CHRNB1: variants seen among roughly 807,000 people sequenced by gnomAD.
The protein encoded by CHRNB1 is acetylcholine receptor subunit beta.
Under a neutral mutation model 53.8 loss-of-function variants are expected in CHRNB1, and 47 were observed. The ratio of observed to expected loss-of-function variants is 0.87; its 90% CI spans 0.69 to 1.11. The LOEUF (loss-of-function observed/expected upper bound fraction) is 1.11. CHRNB1 is among the 50% of genes most tolerant of loss of function. CHRNB1 has a pLI of 0.00. For missense variants in CHRNB1, 605 were observed against 654.9 expected (o/e 0.92, Z 0.83); for synonymous variants, 259 against 263.5 (o/e 0.98, Z 0.16).
Position 7,455,456 on chromosome 17 carries a change from G to T in CHRNB1, c.1217G>T (p.Arg406Met). The T allele has an allele frequency of 6.2e-7, 1 of 1,614,028 alleles. No homozygotes were observed. The highest frequency in any genetic ancestry group is 8.5e-7 in the Non-Finnish European group (1 of 1,179,968). Residue 406 changes from arginine to methionine, a missense_variant and splice_region_variant, in exon 9 of 11, where the codon AGG becomes ATG. Coordinates refer to ENST00000306071, the MANE Select transcript of CHRNB1 (RefSeq NM_000747.3). ...PSDFLFPKPN[R>M]FQPELSAPDL... ...GATTTTCTCTTCCCCAAACCCAATAGGTAGGACTACGCCCGTTACCCACAT... is the reference window on the plus strand; with the variant it reads ...GATTTTCTCTTCCCCAAACCCAATATGTAGGACTACGCCCGTTACCCACAT...
intron 7 of CHRNB1, among the ~76,000 whole-genome samples, chr17:7,450,552 C>G (rs2150840438): frequency 6.6e-6 from 1 of 152,312 alleles, no homozygotes. Context: ...AGAACTATGC[C>G]TGGCACCCAG....
intron 7 of CHRNB1, among the ~76,000 whole-genome samples, chr17:7,449,319 G>T (rs2150839726): frequency 6.6e-6 from 1 of 151,302 alleles, no homozygotes; most frequent in South Asian, 2.1e-4. Context: ...TAGCCAGAAT[G>T]GTCTCGATCT....
At position 7,446,327 on chromosome 17, in the gene CHRNB1, C is replaced by CTGTGTG. The variant is rs58239884; in HGVS notation, c.243+255_243+260dup. ...TTTGTGTGTGTGTGTGTGTGTGTGT[C>CTGTGTG]TGTGTGTGTGTGTGTGTGTGTGTGT... is the stretch of plus-strand genomic sequence containing the variant. On this transcript the variant is annotated intron_variant, in intron 3 of 10. Coordinates refer to ENST00000306071, the MANE Select transcript of CHRNB1 (RefSeq NM_000747.3). The CTGTGTG allele has an allele frequency of 8.7e-3, 2,037 of 234,906 alleles. 50 individuals carry two copies. The highest frequency in any genetic ancestry group is 0.049 in the East Asian group (527 of 10,666). The allele number at this position is 234,906 out of a possible 1,614,324, so 14.6% of individuals were successfully genotyped here. A position where few individuals can be genotyped will look rare whatever the true frequency, so the allele number is the denominator to read the frequency against.
At chr17:7,446,624 T>C (rs778216066) in intron 3 of CHRNB1, 69 of 597,078 alleles carry the variant, frequency 1.2e-4, no homozygotes, top group Non-Finnish European at 1.8e-4. Flanking sequence ...CAGAGTAAAA[T>C]ATTGAAACCC....
intron 9 of CHRNB1, 58 bp from the exon 10 acceptor site, chr17:7,455,736 T>G (rs2069942993): frequency 9.9e-6 from 16 of 1,612,366 alleles, no homozygotes; most frequent in Non-Finnish European, 1.3e-5. Context: ...GAGCGGGGCC[T>G]GGGTCGCCGG....
chr17:7,449,868 C>T (rs1024976908), intron 7 of CHRNB1, among the ~76,000 whole-genome samples: 14 of 151,680 alleles, frequency 9.2e-5, no homozygotes, highest in African/African-American at 3.4e-4. Context: ...CATGGTGATA[C>T]TCTATGTCTA....
intron 7 of CHRNB1, 100 bp from the exon 8 acceptor site, chr17:7,454,197 A>G: frequency 9.5e-7 from 1 of 1,056,888 alleles, no homozygotes. Flanking sequence ...TGGCTGTAGA[A>G]ATCTGTCTTT....
rs2069943649 is a variant in CHRNB1, at chr17:7,455,783, TC to T, written c.1218-9del. The T allele has an allele frequency of 6.2e-7, 1 of 1,614,070 alleles. No individual in the cohort carries two copies. The highest frequency in any genetic ancestry group is 8.5e-7 in the Non-Finnish European group (1 of 1,179,992). On this transcript the variant is annotated splice_polypyrimidine_tract_variant and intron_variant, in intron 9 of 10. Transcript: ENST00000306071. ...TTTGCGTTTGGGCGTGGCCAGTCAC[TC>T]CTCTTCCAGGTTCCAGCCTGAACTG...
In CHRNB1 at chr17:7,456,687, C is replaced by T. The variant is rs2069956274; in HGVS notation, c.1470C>T (p.Ala490=). The T allele has an allele frequency of 1.2e-6, 2 of 1,614,052 alleles. No homozygotes were observed. Among genetic ancestry groups the T allele is most frequent in the African/African-American group, 1.3e-5 (1 of 74,902 alleles). ...SVGTLVIFLD[A]TYHLPPPDPF... is the part of the protein sequence containing the mutation. Reference sequence around the variant, plus strand: ...GGACCCTAGTCATCTTCCTGGACGCCACGTACCACTTGCCCCCTCCAGACC... The same window carrying T: ...GGACCCTAGTCATCTTCCTGGACGCTACGTACCACTTGCCCCCTCCAGACC... The change falls in exon 11 of 11, where the codon GCC becomes GCT. Residue 490 remains alanine, a synonymous_variant. Coordinates refer to ENST00000306071, the MANE Select transcript of CHRNB1 (RefSeq NM_000747.3).
At chr17:7,449,724 A>G (rs1908811635) in intron 7 of CHRNB1, among the ~76,000 whole-genome samples, 1 of 151,492 alleles carries the variant, frequency 6.6e-6, no homozygotes, top group South Asian at 2.1e-4. Flanking sequence ...CTAGTCCTTT[A>G]ACCTCCTATC....
chr17:7,447,843 C>A (rs927625263), intron 6 of CHRNB1, among the ~76,000 whole-genome samples, 193 bp downstream of exon 6: 2 of 151,982 alleles, frequency 1.3e-5, no homozygotes, highest in Non-Finnish European at 2.9e-5. Flanking sequence ...TTTGGGAAGC[C>A]GAGGCGGGCG....
intron 7 of CHRNB1, among the ~76,000 whole-genome samples, chr17:7,450,072 T>A (rs1342686588): frequency 7.4e-6 from 1 of 135,662 alleles, no homozygotes; most frequent in Non-Finnish European, 1.6e-5. Context: ...AATAAATAAA[T>A]AAATAAATAA....
intron 10 of CHRNB1, among the ~76,000 whole-genome samples, chr17:7,456,274 A>G (rs1331030103): frequency 1.3e-5 from 2 of 151,682 alleles, no homozygotes; most frequent in African/African-American, 4.8e-5. Context: ...GGCTGGTCTG[A>G]AACTCCTGAC....
Position 7,445,422 on chromosome 17 carries a change from G to A in CHRNB1, c.198+13G>A, listed in dbSNP as rs757667532. The A allele has an allele frequency of 1.2e-6, 2 of 1,609,344 alleles. No homozygotes were observed. The highest frequency in any genetic ancestry group is 1.7e-6 in the Non-Finnish European group (2 of 1,179,068). On this transcript the variant is annotated intron_variant, in intron 2 of 10. Transcript: ENST00000306071. This position sits in a 1 kb window ranked among gnomAD's most constrained non-coding sequence, Gnocchi z 5.7. Reference sequence around the variant, plus strand: ...ACTCATCAGCCTGGTGAGGGCGCGCGGGGGGTGGAGGTCAGGCCAGCCGAC... The same window carrying A: ...ACTCATCAGCCTGGTGAGGGCGCGCAGGGGGTGGAGGTCAGGCCAGCCGAC...
intron 7 of CHRNB1, among the ~76,000 whole-genome samples, chr17:7,453,576 G>T (rs549564755): frequency 1.4e-3 from 193 of 142,470 alleles, no homozygotes; most frequent in African/African-American, 4.7e-3. Context: ...CCTTCCAAAA[G>T]CCTGTCTTTT....
chr17:7,445,993 G>T lies in CHRNB1; in HGVS notation c.199-76G>T. On this transcript the variant is annotated intron_variant, in intron 2 of 10. Coordinates refer to ENST00000306071, the MANE Select transcript of CHRNB1 (RefSeq NM_000747.3). The surrounding 1 kb of genome is among the most constrained non-coding windows in gnomAD (Gnocchi z 5.7). ...GAAAAAGGGGGCGGCGTTCCCAGGA[G>T]AGAGGTTGGCCCCCCGAGCCCCCTC... 7.7e-7 allele frequency: 1 copy of T among 1,306,064 alleles called. No homozygotes were observed. The highest frequency in any genetic ancestry group is 1.1e-6 in the Non-Finnish European group (1 of 900,184). 80.9% of individuals were successfully genotyped at this position (1,306,064 alleles called of 1,614,324 possible).
At chr17:7,446,333 G>GTGTGTC (rs1555551793) in intron 3 of CHRNB1, 78 of 254,012 alleles carry the variant, frequency 3.1e-4, no homozygotes, top group Admixed American at 1.2e-3. Flanking sequence ...GTGTCTGTGT[G>GTGTGTC]TGTGTGTGTG....
At chr17:7,447,445 A>G in intron 5 of CHRNB1, 58 bp from the exon 6 acceptor site, 1 of 1,607,542 alleles carries the variant, frequency 6.2e-7, no homozygotes, top group East Asian at 2.2e-5. Context: ...AGACCTCCCA[A>G]ACTCCACCAG....
At chr17:7,446,683 G>C (rs1908646023) in intron 3 of CHRNB1, 150 bp from the exon 4 acceptor site, 1 of 641,408 alleles carries the variant, frequency 1.6e-6, no homozygotes, top group African/African-American at 1.8e-5. Flanking sequence ...GAGTGAAGGC[G>C]GAGCCAGAGC....
Sources: allele counts gnomAD v4.1 joint callset (sites outside exome capture counted in the v4.1 genomes callset), GRCh38; gene constraint gnomAD v4.1.1; non-coding constraint Gnocchi (gnomAD v3.1); transcripts MANE v1.5; gene names NCBI Gene and HGNC (gene_info 2026-07-23, HGNC 2026-07-21).